NKAIN2: variants seen among roughly 807,000 people sequenced by gnomAD.
NKAIN2 encodes the protein sodium/potassium-transporting ATPase subunit beta-1-interacting protein 2.
NKAIN2 carries 14 observed loss-of-function variants against 32.6 expected under a neutral mutation model. That is an observed-to-expected ratio of 0.43 (90% CI 0.28 to 0.67). NKAIN2 has a LOEUF of 0.67. Among genes scored for constraint, NKAIN2 ranks in the 30% least tolerant of loss-of-function variants. The pLI is 0.17. For missense variants in NKAIN2, 198 were observed against 258.3 expected, an observed-to-expected ratio of 0.77 and a Z score of 1.60; for synonymous variants, 80 against 87.2, an observed-to-expected ratio of 0.92 and a Z score of 0.46.
At chr6:124,476,388 T>C (rs2114687542) in intron 3 of NKAIN2, among the ~76,000 whole-genome samples, 1 of 138,676 alleles carries the variant, frequency 7.2e-6, no homozygotes, top group East Asian at 2.2e-4. Flanking sequence ...TTCATATGTA[T>C]GTATGTGACT....
intron 3 of NKAIN2, among the ~76,000 whole-genome samples, chr6:124,653,160 G>T (rs936935924): frequency 1.4e-4 from 22 of 152,070 alleles, no homozygotes; most frequent in African/African-American, 4.8e-4. Flanking sequence ...AAAGTATATA[G>T]AGAGAGGTGA....
chr6:124,262,660 T>C (rs1794306141), intron 1 of NKAIN2, among the ~76,000 whole-genome samples: 1 of 152,130 alleles, frequency 6.6e-6, no homozygotes, highest in African/African-American at 2.4e-5. Flanking sequence ...TTTGAATGTA[T>C]AGATTAGTTG....
intron 3 of NKAIN2, among the ~76,000 whole-genome samples, chr6:124,419,429 G>A (rs974710259): frequency 7.2e-5 from 11 of 152,208 alleles, no homozygotes; most frequent in South Asian, 2.1e-4. Flanking sequence ...AAAGGACTTC[G>A]TTCCTTGTAG....
In NKAIN2 at chr6:124,658,302, C is replaced by CCATCATCATCAT. The variant is rs1263961314; in HGVS notation, c.394_395insATCATCATCATC (p.His131_Arg132insHisHisHisHis). The CCATCATCATCAT allele has an allele frequency of 6.2e-7, 1 of 1,613,954 alleles. No individual in the cohort carries two copies. The highest frequency in any genetic ancestry group is 8.5e-7 in the Non-Finnish European group (1 of 1,180,004). On this transcript the variant is annotated inframe_insertion, in exon 4 of 7. Transcript: ENST00000368417. Reference sequence around the variant, plus strand: ...CTGCCCCAGACTGGGCCCCAGAAGACCATCGCTACATCACGGTCTCAGGGT... The same window carrying CCATCATCATCAT: ...CTGCCCCAGACTGGGCCCCAGAAGACCATCATCATCATCATCGCTACATCACGGTCTCAGGGT...
intron 1 of NKAIN2, among the ~76,000 whole-genome samples, chr6:124,172,543 T>C (rs1788948014): frequency 6.6e-6 from 1 of 152,178 alleles, no homozygotes; most frequent in South Asian, 2.1e-4. Flanking sequence ...TGCAATGATA[T>C]CAGATTTTAA....
In NKAIN2 at chr6:124,415,245, T is replaced by C. The variant is rs375588806; in HGVS notation, c.273+59898T>C. Among the ~76,000 whole-genome samples, 8 of 152,342 alleles carry C rather than the reference T, an allele frequency of 5.3e-5. No individual in the cohort carries two copies. The East Asian group carries it at 1.2e-3, about 22-fold the overall frequency. On this transcript the variant is annotated intron_variant, in intron 3 of 6. Coordinates refer to ENST00000368417, the MANE Select transcript of NKAIN2 (RefSeq NM_001040214.3). ...AAGCTCCTGGTGGTTTTGTCTGTGC[T>C]TCTGACCAACTGACTACAAATTGGG...
At chr6:124,693,631 C>G (rs1480278118) in intron 4 of NKAIN2, among the ~76,000 whole-genome samples, 3 of 152,146 alleles carry the variant, frequency 2.0e-5, no homozygotes, top group Non-Finnish European at 4.4e-5. Context: ...GTACTTCTGT[C>G]TGAGCCTTGA....
intron 1 of NKAIN2, among the ~76,000 whole-genome samples, chr6:123,883,314 T>C (rs1178527221): frequency 6.6e-6 from 1 of 151,944 alleles, no homozygotes; most frequent in Admixed American, 6.6e-5. Context: ...CTGGCTAATT[T>C]TTTTGTATTT....
chr6:124,689,480 ATTCT>A (rs1289317054), intron 4 of NKAIN2, among the ~76,000 whole-genome samples: 2 of 152,062 alleles, frequency 1.3e-5, no homozygotes, highest in Non-Finnish European at 2.9e-5. Context: ...CATCTTGTTA[ATTCT>A]TTCTTTCATA....
At chr6:124,498,601 G>A (rs1778160976) in intron 3 of NKAIN2, among the ~76,000 whole-genome samples, 1 of 152,126 alleles carries the variant, frequency 6.6e-6, no homozygotes, top group African/African-American at 2.4e-5. Flanking sequence ...CTGTGAAACA[G>A]AGCATAATTT....
intron 1 of NKAIN2, among the ~76,000 whole-genome samples, chr6:124,187,185 C>G (rs2689880): frequency 0.1 from 15,795 of 152,012 alleles, 868 homozygotes; most frequent in African/African-American, 0.13. Flanking sequence ...CTAGCTTTAC[C>G]TAATGCTATG....
intron 1 of NKAIN2, among the ~76,000 whole-genome samples, chr6:124,105,284 TTGAC>T (rs1785067282): frequency 2.0e-5 from 3 of 152,134 alleles, no homozygotes; most frequent in Admixed American, 6.5e-5. Context: ...ACAGCAATCT[TTGAC>T]TGACCTAATC....
Position 124,266,881 on chromosome 6 carries a change from T to C in NKAIN2, c.55-16124T>C, listed in dbSNP as rs145601650. 2.0e-5 allele frequency among the ~76,000 whole-genome samples: 3 copies of C among 152,310 alleles called. No individual in the cohort carries two copies. The East Asian group carries it at 5.8e-4, about 29-fold the overall frequency. ...ACACAATTCTTAGATTTAATGATCA[T>C]ATCTTTAAAATGCAAGGGAAAGGAC... On this transcript the variant is annotated intron_variant, in intron 1 of 6. Coordinates refer to ENST00000368417, the MANE Select transcript of NKAIN2 (RefSeq NM_001040214.3).
chr6:124,192,753 T>TTG (rs1790086420), intron 1 of NKAIN2, among the ~76,000 whole-genome samples: 1 of 136,760 alleles, frequency 7.3e-6, no homozygotes, highest in Non-Finnish European at 1.6e-5. Flanking sequence ...TTTTTTTTTT[T>TTG]TTTTTTTTTT....
chr6:124,032,335 C>A (rs887885249), intron 1 of NKAIN2, among the ~76,000 whole-genome samples: 1 of 151,650 alleles, frequency 6.6e-6, no homozygotes, highest in African/African-American at 2.4e-5. Context: ...GGGTGCAGCA[C>A]ACCAACATGG....
At chr6:124,695,253 C>A (rs1286448487) in intron 4 of NKAIN2, among the ~76,000 whole-genome samples, 1 of 151,784 alleles carries the variant, frequency 6.6e-6, no homozygotes, top group African/African-American at 2.4e-5. Flanking sequence ...TAATAAACAA[C>A]CCTTTCTGCC....
chr6:124,530,809 G>A (rs886942983), intron 3 of NKAIN2, among the ~76,000 whole-genome samples: 2 of 152,126 alleles, frequency 1.3e-5, no homozygotes, highest in African/African-American at 4.8e-5. Context: ...AATTTTTAGA[G>A]TCCAAAGCTC....
At chr6:124,143,681 G>T (rs563329010) in intron 1 of NKAIN2, among the ~76,000 whole-genome samples, 2 of 152,042 alleles carry the variant, frequency 1.3e-5, no homozygotes, top group Admixed American at 6.5e-5. Flanking sequence ...TGCAAATTCT[G>T]TCCAGAACAA....
At chr6:124,012,200 G>A (rs189908763) in intron 1 of NKAIN2, among the ~76,000 whole-genome samples, 20 of 151,702 alleles carry the variant, frequency 1.3e-4, no homozygotes, top group African/African-American at 4.8e-4. Flanking sequence ...TTGTTTTACT[G>A]ACCTCACATC....
Sources: gnomAD v4.1 joint callset for allele counts (sites outside exome capture counted in the v4.1 genomes callset) on GRCh38, gnomAD v4.1.1 for gene constraint, MANE v1.5 for transcripts, NCBI Gene and HGNC (gene_info 2026-07-23, HGNC 2026-07-21) for gene names.